PARP11: variants seen among roughly 807,000 people sequenced by gnomAD.
The protein encoded by PARP11 is protein mono-ADP-ribosyltransferase PARP11.
In PARP11, 31 loss-of-function variants were observed where a neutral mutation model predicts 42.9. The observed-to-expected ratio is 0.72, with a 90% CI of 0.54 to 0.98. PARP11 has a LOEUF of 0.98. Ranked by LOEUF, PARP11 falls within the 50% of genes least tolerant of loss-of-function variation. The pLI, the probability that PARP11 is intolerant of heterozygous loss-of-function variation, is 0.00. For synonymous variants in PARP11, 137 were observed against 127.3 expected, an observed-to-expected ratio of 1.08 and a Z score of -0.51; for missense variants, 365 against 413.1, an observed-to-expected ratio of 0.88 and a Z score of 1.01.
chr12:3,859,175 T>G (rs1270172902), intron 1 of PARP11, among the ~76,000 whole-genome samples: 1 of 152,016 alleles, frequency 6.6e-6, no homozygotes, highest in Non-Finnish European at 1.5e-5. Context: ...ACAAATAAAT[T>G]CATGTTTAGA....
intron 1 of PARP11, among the ~76,000 whole-genome samples, chr12:3,864,578 A>G (rs1325231820): frequency 3.3e-5 from 5 of 152,220 alleles, no homozygotes; most frequent in Non-Finnish European, 7.3e-5. Flanking sequence ...TGCAAATTCA[A>G]ATTATTTAAC....
chr12:3,839,615 A>T (rs775748994), intron 1 of PARP11: 1 of 1,083,136 alleles, frequency 9.2e-7, no homozygotes, highest in Non-Finnish European at 1.4e-6. Flanking sequence ...GGACAAATGG[A>T]AATAAGTGCC....
intron 1 of PARP11, among the ~76,000 whole-genome samples, chr12:3,847,042 A>G (rs1005418212): frequency 2.0e-5 from 3 of 152,164 alleles, no homozygotes; most frequent in African/African-American, 7.2e-5. Context: ...GCACCACTGC[A>G]CTCCAGCCTG....
chr12:3,852,338 C>T (rs534222253), intron 1 of PARP11, among the ~76,000 whole-genome samples: 12 of 152,162 alleles, frequency 7.9e-5, no homozygotes, highest in South Asian at 4.1e-4. Context: ...CAAACTTCTC[C>T]GAGCTAAAGG....
At chr12:3,842,941 A>G (rs1342849004) in intron 1 of PARP11, among the ~76,000 whole-genome samples, 1 of 152,244 alleles carries the variant, frequency 6.6e-6, no homozygotes, top group Admixed American at 6.5e-5. Flanking sequence ...TTCCAAACAT[A>G]ACGTTGCACC....
intron 1 of PARP11, among the ~76,000 whole-genome samples, chr12:3,867,295 G>A (rs1948409785): frequency 6.6e-6 from 1 of 152,180 alleles, no homozygotes; most frequent in Admixed American, 6.5e-5. Context: ...TGACTATTCA[G>A]AGTATGCGCT....
intron 1 of PARP11, among the ~76,000 whole-genome samples, chr12:3,831,149 T>A (rs1264937026): frequency 1.3e-5 from 2 of 152,258 alleles, no homozygotes; most frequent in East Asian, 3.9e-4. Context: ...AAAATAAAGC[T>A]AAAGACTTTT....
chr12:3,854,143 G>A (rs186273753), intron 1 of PARP11, among the ~76,000 whole-genome samples: 344 of 152,294 alleles, frequency 2.3e-3, no homozygotes, highest in African/African-American at 7.7e-3. Context: ...GTAGTGTGTA[G>A]AGGGAAATTT....
At chr12:3,852,759 T>A (rs1408712515) in intron 1 of PARP11, among the ~76,000 whole-genome samples, 1 of 151,942 alleles carries the variant, frequency 6.6e-6, no homozygotes, top group Non-Finnish European at 1.5e-5. Flanking sequence ...AGGCCAACAT[T>A]CAAATTCAGG....
chr12:3,848,607 G>A (rs764728115), intron 1 of PARP11, among the ~76,000 whole-genome samples: 26 of 151,942 alleles, frequency 1.7e-4, no homozygotes, highest in African/African-American at 3.1e-4. Flanking sequence ...TATCTAATTC[G>A]CAGAAGAATA....
At chr12:3,849,053 T>C (rs12579394) in intron 1 of PARP11, among the ~76,000 whole-genome samples, 11,928 of 151,722 alleles carry the variant, frequency 0.079, 1,039 homozygotes, top group African/African-American at 0.21. Flanking sequence ...AACAGGTATA[T>C]GAGAAAATGC....
At chr12:3,841,305 T>C in intron 1 of PARP11, 2 of 1,253,646 alleles carry the variant, frequency 1.6e-6, no homozygotes, top group Non-Finnish European at 2.3e-6. Flanking sequence ...AGGCATACAG[T>C]TGTCCTGTGT....
intron 1 of PARP11, among the ~76,000 whole-genome samples, chr12:3,833,384 T>G (rs1184587919): frequency 2.0e-5 from 3 of 152,108 alleles, no homozygotes; most frequent in Non-Finnish European, 4.4e-5. Context: ...GAGGTTTGCA[T>G]GAGGCCAGGA....
chr12:3,839,347 GC>G (rs1947840075), intron 1 of PARP11: 1 of 1,535,218 alleles, frequency 6.5e-7, no homozygotes, highest in Non-Finnish European at 8.7e-7. Context: ...CCAGGGCGGC[GC>G]GGGGCCCCGC....
intron 1 of PARP11, chr12:3,863,950 CAAAT>C (rs1472931700): frequency 6.6e-6 from 1 of 152,118 alleles, no homozygotes; most frequent in African/African-American, 2.4e-5. Flanking sequence ...CTCGGGCATG[CAAAT>C]ACACTATTAA....
intron 6 of PARP11, among the ~76,000 whole-genome samples, chr12:3,817,090 C>T (rs1331613001): frequency 1.3e-5 from 2 of 152,038 alleles, no homozygotes; most frequent in Non-Finnish European, 1.5e-5. Context: ...ACTCAGGAGG[C>T]TGAGGCAGGA....
In PARP11 at chr12:3,861,791, G is replaced by A. The variant is rs1468614726; in HGVS notation, c.18+11421C>T. 6.6e-6 allele frequency among the ~76,000 whole-genome samples: 1 copy of A among 152,020 alleles called. No homozygotes were observed. The highest frequency in any genetic ancestry group is 1.5e-5 in the Non-Finnish European group (1 of 68,006). On this transcript the variant is annotated intron_variant, in intron 1 of 7. Transcript: ENST00000228820. The surrounding 1 kb of genome is among the most constrained non-coding windows in gnomAD (Gnocchi z 4.6). ...TGTAATCCCAGTACTTTGGGAGGCC[G>A]AGGCGGGCGGATCACGAGGTCAGGA... is the stretch of plus-strand genomic sequence containing the variant.
At chr12:3,857,651 G>C (rs1948217524) in intron 1 of PARP11, among the ~76,000 whole-genome samples, 1 of 151,320 alleles carries the variant, frequency 6.6e-6, no homozygotes, top group South Asian at 2.1e-4. Flanking sequence ...AAAAAAAAAG[G>C]AAAAGAAAAG....
chr12:3,842,615 C>CT (rs1947914715), intron 1 of PARP11: 1 of 799,148 alleles, frequency 1.3e-6, no homozygotes, highest in Admixed American at 2.3e-5. Flanking sequence ...AGTTGGAACT[C>CT]TTTCCTCTCC....
Sources: allele counts gnomAD v4.1 joint callset (sites outside exome capture counted in the v4.1 genomes callset), GRCh38; gene constraint gnomAD v4.1.1; non-coding constraint Gnocchi (gnomAD v3.1); transcripts MANE v1.5; gene names NCBI Gene and HGNC (gene_info 2026-07-23, HGNC 2026-07-21).